PRKD3: variants seen among roughly 807,000 people sequenced by gnomAD.
PRKD3 encodes the protein protein kinase D3, also known as serine/threonine-protein kinase D3.
PRKD3 carries 47 observed loss-of-function variants against 99.2 expected under a neutral mutation model. That is an observed-to-expected ratio of 0.47 (90% CI 0.38 to 0.60). The LOEUF (loss-of-function observed/expected upper bound fraction) is 0.60. Among genes scored for constraint, PRKD3 ranks in the 20% least tolerant of loss-of-function variants. The pLI is 0.00. For synonymous variants in PRKD3, 392 were observed against 355.4 expected, an observed-to-expected ratio of 1.10 and a Z score of -1.16; for missense variants, 1,019 against 1,088.4, an observed-to-expected ratio of 0.94 and a Z score of 0.90.
chr2:37,290,764 T>TA (rs1670377413), intron 4 of PRKD3, 104 bp downstream of exon 4: 1 of 1,283,052 alleles, frequency 7.8e-7, no homozygotes, highest in Admixed American at 2.3e-5. Flanking sequence ...AAATCCTCGT[T>TA]ACCACCCTAG....
In PRKD3 at chr2:37,253,011, C is replaced by G. The variant is rs1667637404; in HGVS notation, c.*166G>C. On this transcript the variant is annotated 3_prime_UTR_variant, in exon 19 of 19. Coordinates refer to ENST00000234179, the MANE Select transcript of PRKD3 (RefSeq NM_005813.6). ...TATGACTTCTTATTATTCAGTTTCC[C>G]GCCTGTACCTACTCATTATGAACTA... The G allele has an allele frequency of 1.7e-6, 1 of 576,856 alleles. No homozygotes were observed. The highest frequency in any genetic ancestry group is 2.7e-6 in the Non-Finnish European group (1 of 373,730). The allele number at this position is 576,856 out of a possible 1,614,324, so 35.7% of individuals were successfully genotyped here.
intron 14 of PRKD3, among the ~76,000 whole-genome samples, chr2:37,264,267 TCTAA>T (rs1191611805): frequency 3.9e-5 from 6 of 152,216 alleles, no homozygotes; most frequent in African/African-American, 1.4e-4. Context: ...TTTTTTTCAA[TCTAA>T]CAATGTATTG....
chr2:37,309,436 C>T (rs2124888235), intron 2 of PRKD3, among the ~76,000 whole-genome samples: 1 of 152,302 alleles, frequency 6.6e-6, no homozygotes, highest in African/African-American at 2.4e-5. Context: ...TACAGAAATA[C>T]AGAGAAGCAT....
chr2:37,305,757 T>G (rs907191679), intron 2 of PRKD3, among the ~76,000 whole-genome samples: 1 of 152,220 alleles, frequency 6.6e-6, no homozygotes, highest in Admixed American at 6.5e-5. Context: ...AATGAAGGCT[T>G]TGGGACTTTA....
At chr2:37,290,094 C>T (rs1479458419) in intron 4 of PRKD3, among the ~76,000 whole-genome samples, 6 of 152,214 alleles carry the variant, frequency 3.9e-5, no homozygotes, top group Non-Finnish European at 8.8e-5. Context: ...AAAACATTTA[C>T]TCTCTGTCCC....
At chr2:37,306,512 T>C (rs1671174894) in intron 2 of PRKD3, among the ~76,000 whole-genome samples, 1 of 152,154 alleles carries the variant, frequency 6.6e-6, no homozygotes, top group South Asian at 2.1e-4. Context: ...AACTGTGCAC[T>C]GTTAAACAAA....
chr2:37,266,449 C>T (rs372726317), intron 14 of PRKD3, among the ~76,000 whole-genome samples: 1 of 151,612 alleles, frequency 6.6e-6, no homozygotes, highest in African/African-American at 2.4e-5. Context: ...TCTCAGCCTC[C>T]CAAGTAGCTT....
chr2:37,285,877 A>G (rs1670070400), intron 6 of PRKD3, among the ~76,000 whole-genome samples: 1 of 152,202 alleles, frequency 6.6e-6, no homozygotes, highest in South Asian at 2.1e-4. Flanking sequence ...TAATAGTAAT[A>G]GTAACTCCTA....
At chr2:37,281,810 A>G (rs982403319) in intron 7 of PRKD3, among the ~76,000 whole-genome samples, 18 of 152,196 alleles carry the variant, frequency 1.2e-4, no homozygotes, top group African/African-American at 4.1e-4. Flanking sequence ...CTTTTACAGA[A>G]CTACTTACAT....
intron 5 of PRKD3, among the ~76,000 whole-genome samples, chr2:37,287,092 T>A (rs1439417085): frequency 1.3e-5 from 2 of 150,722 alleles, no homozygotes; most frequent in Non-Finnish European, 3.0e-5. Flanking sequence ...TAGCCAGGCG[T>A]GGGGGTGCAT....
chr2:37,289,626 C>T (rs1384220126), intron 4 of PRKD3, 113 bp from the exon 5 acceptor site: 12 of 880,766 alleles, frequency 1.4e-5, no homozygotes, highest in Non-Finnish European at 2.0e-5. Context: ...TTAGCCATAC[C>T]TATCCTAATT....
intron 15 of PRKD3, 25 bp downstream of exon 15, chr2:37,260,198 T>A (rs755435891): frequency 2.5e-5 from 30 of 1,186,420 alleles, no homozygotes; most frequent in Admixed American, 4.9e-5. Flanking sequence ...ATCGCTAGTT[T>A]AAAAAAAAAA....
chr2:37,270,744 GC>G (rs1397819737), intron 12 of PRKD3, among the ~76,000 whole-genome samples: 1 of 152,146 alleles, frequency 6.6e-6, no homozygotes, highest in African/African-American at 2.4e-5. Context: ...ATTTTTATAA[GC>G]CTCCCCACTT....
chr2:37,310,204 T>C (rs545158664), intron 2 of PRKD3, among the ~76,000 whole-genome samples: 16 of 152,238 alleles, frequency 1.1e-4, no homozygotes, highest in Non-Finnish European at 2.2e-4. Context: ...CTAATTCTAA[T>C]AAATCTTCAA....
At chr2:37,303,801 C>T (rs745577278) in intron 2 of PRKD3, among the ~76,000 whole-genome samples, 145 of 152,050 alleles carry the variant, frequency 9.5e-4, no homozygotes, top group Admixed American at 1.2e-3. Flanking sequence ...GGGAAACGAT[C>T]GAAGTTTAAC....
chr2:37,254,424 T>C (rs1225596440), intron 17 of PRKD3, 135 bp from the exon 18 acceptor site: 2 of 646,908 alleles, frequency 3.1e-6, no homozygotes, highest in African/African-American at 1.8e-5. Context: ...CGTGGACTTT[T>C]AGCTAACATG....
intron 2 of PRKD3, among the ~76,000 whole-genome samples, chr2:37,307,766 T>C (rs1051233598): frequency 1.3e-5 from 2 of 152,210 alleles, no homozygotes; most frequent in African/African-American, 2.4e-5. Flanking sequence ...TACTCCACCC[T>C]TGGGGTGTGT....
intron 17 of PRKD3, among the ~76,000 whole-genome samples, chr2:37,256,397 G>A (rs986451622): frequency 4.0e-4 from 61 of 152,154 alleles, no homozygotes; most frequent in Non-Finnish European, 8.8e-5. Context: ...AGGTAAGACA[G>A]TTAAAAAGAT....
intron 5 of PRKD3, among the ~76,000 whole-genome samples, chr2:37,287,313 T>C (rs537891795): frequency 1.7e-4 from 25 of 150,352 alleles, no homozygotes; most frequent in African/African-American, 5.4e-4. Context: ...ACTATCAATC[T>C]GAGGCATTTT....
Sources: allele counts gnomAD v4.1 joint callset (sites outside exome capture counted in the v4.1 genomes callset), GRCh38; gene constraint gnomAD v4.1.1; transcripts MANE v1.5; gene names NCBI Gene and HGNC (gene_info 2026-07-23, HGNC 2026-07-21).